Variants in ATRNL1 observed in about 807,000 individuals in gnomAD.
The protein encoded by ATRNL1 is attractin like 1.
Under a neutral mutation model 182.7 loss-of-function variants are expected in ATRNL1, and 95 were observed. That is an observed-to-expected ratio of 0.52 (90% CI 0.44 to 0.62). The LOEUF is 0.62. Ranked by LOEUF, ATRNL1 falls within the 20% of genes least tolerant of loss-of-function variation. The pLI is 0.00. For synonymous variants in ATRNL1, 576 were observed against 568.3 expected (o/e 1.01, Z -0.19); for missense variants, 1,471 against 1,679.5 (o/e 0.88, Z 2.17).
chr10:115,689,765 G>A (rs1004115629), intron 26 of ATRNL1, among the ~76,000 whole-genome samples: 2 of 152,276 alleles, frequency 1.3e-5, no homozygotes, highest in African/African-American at 2.4e-5. Context: ...CACAGAGCTC[G>A]CAGGCTGTCC....
intron 5 of ATRNL1, among the ~76,000 whole-genome samples, chr10:115,144,119 C>G (rs1186515781): frequency 1.3e-5 from 2 of 151,264 alleles, no homozygotes; most frequent in Non-Finnish European, 1.5e-5. Flanking sequence ...AGCTGGATTA[C>G]AGGTGCCCAC....
At chr10:115,801,455 C>T (rs1204077339) in intron 27 of ATRNL1, among the ~76,000 whole-genome samples, 1 of 152,180 alleles carries the variant, frequency 6.6e-6, no homozygotes, top group Non-Finnish European at 1.5e-5. Context: ...TATTTTGCTT[C>T]CAACTGTACT....
intron 19 of ATRNL1, among the ~76,000 whole-genome samples, chr10:115,370,843 C>G (rs188787738): frequency 4.6e-5 from 7 of 152,258 alleles, no homozygotes; most frequent in African/African-American, 1.4e-4. Context: ...GGAAATGTCT[C>G]CAGGGCATGT....
At chr10:115,526,584 A>G (rs1283995510) in intron 25 of ATRNL1, among the ~76,000 whole-genome samples, 2 of 152,198 alleles carry the variant, frequency 1.3e-5, no homozygotes, top group Admixed American at 6.5e-5. Flanking sequence ...GTCTTCTGCC[A>G]GGAACTGTGT....
intron 1 of ATRNL1, among the ~76,000 whole-genome samples, chr10:115,095,031 G>T (rs1243345657): frequency 2.6e-5 from 4 of 152,146 alleles, no homozygotes; most frequent in African/African-American, 4.8e-5. Flanking sequence ...CTTCGTACTG[G>T]TTGGTGTTTA....
chr10:115,196,148 CA>C (rs1391222166), intron 8 of ATRNL1, among the ~76,000 whole-genome samples: 3 of 151,594 alleles, frequency 2.0e-5, no homozygotes, highest in African/African-American at 7.3e-5. Context: ...CATTTAGAGA[CA>C]GGCAAAACCC....
chr10:115,824,605 G>A (rs193091813), intron 27 of ATRNL1, among the ~76,000 whole-genome samples: 109 of 152,172 alleles, frequency 7.2e-4, no homozygotes, highest in East Asian at 3.9e-3. Flanking sequence ...AAAAGTGGGC[G>A]AAGGATATGA....
intron 5 of ATRNL1, among the ~76,000 whole-genome samples, chr10:115,152,857 T>G (rs1478791782): frequency 1.3e-5 from 2 of 152,136 alleles, no homozygotes; most frequent in African/African-American, 4.8e-5. Context: ...GGGTTTGTCA[T>G]AAATACCTCT....
Position 115,237,020 on chromosome 10 carries a change from G to T in ATRNL1, c.1533-4551G>T, listed in dbSNP as rs150087508. 7.3e-3 allele frequency among the ~76,000 whole-genome samples: 1,116 copies of T among 151,986 alleles called. 9 individuals carry two copies. The highest frequency in any genetic ancestry group is 0.011 in the Admixed American group (165 of 15,244). On this transcript the variant is annotated intron_variant, in intron 9 of 28. Coordinates refer to ENST00000355044, the MANE Select transcript of ATRNL1 (RefSeq NM_207303.4). The stretch of plus-strand genomic sequence containing the variant: ...TGTAGTATGTAGCCTTTTAATTTTG[G>T]CTTCTTTCACTTAGCAATAAGCATT...
At chr10:115,149,961 G>T (rs772529955) in intron 5 of ATRNL1, among the ~76,000 whole-genome samples, 1 of 150,258 alleles carries the variant, frequency 6.7e-6, no homozygotes, top group African/African-American at 2.5e-5. Context: ...CCGTGAAGCC[G>T]TCCTGTCCTG....
chr10:115,783,026 T>A (rs1949304532), intron 27 of ATRNL1, among the ~76,000 whole-genome samples: 1 of 152,192 alleles, frequency 6.6e-6, no homozygotes, highest in South Asian at 2.1e-4. Context: ...TTTAAGGATA[T>A]TAAAAGTGCT....
intron 25 of ATRNL1, among the ~76,000 whole-genome samples, chr10:115,533,266 G>A (rs1256576161): frequency 6.6e-6 from 1 of 151,782 alleles, no homozygotes; most frequent in Non-Finnish European, 1.5e-5. Context: ...ATTGATTATT[G>A]CCACAGTTTC....
chr10:115,524,014 C>T (rs1554985942), intron 25 of ATRNL1, among the ~76,000 whole-genome samples: 1 of 152,114 alleles, frequency 6.6e-6, no homozygotes, highest in Non-Finnish European at 1.5e-5. Flanking sequence ...GTGAGGGCCT[C>T]AAGCTGTTTC....
intron 5 of ATRNL1, among the ~76,000 whole-genome samples, chr10:115,150,006 T>G (rs1554880197): frequency 6.6e-6 from 1 of 152,004 alleles, no homozygotes; most frequent in African/African-American, 2.4e-5. Context: ...TTATTACTAC[T>G]TTGATCTTTT....
chr10:115,375,992 C>A (rs1288470863), intron 19 of ATRNL1, among the ~76,000 whole-genome samples: 1 of 151,898 alleles, frequency 6.6e-6, no homozygotes, highest in East Asian at 1.9e-4. Flanking sequence ...TGAAGAATTT[C>A]CTTTAGTATT....
chr10:115,125,450 C>A (rs1463013662), intron 3 of ATRNL1, among the ~76,000 whole-genome samples: 1 of 151,058 alleles, frequency 6.6e-6, no homozygotes, highest in Non-Finnish European at 1.5e-5. Context: ...ATTCTGTAGG[C>A]AAGAGTTTTT....
intron 15 of ATRNL1, among the ~76,000 whole-genome samples, chr10:115,292,789 A>G (rs1554921296): frequency 6.6e-6 from 1 of 152,130 alleles, no homozygotes; most frequent in Non-Finnish European, 1.5e-5. Flanking sequence ...ATATATGGTC[A>G]TTCCTGGAGA....
chr10:115,896,463 G>T (rs191469822), intron 28 of ATRNL1, among the ~76,000 whole-genome samples: 58 of 152,186 alleles, frequency 3.8e-4, no homozygotes, highest in African/African-American at 1.4e-3. Context: ...CGCAGTAAAA[G>T]GATGCCTTGA....
intron 26 of ATRNL1, among the ~76,000 whole-genome samples, chr10:115,553,978 A>G (rs1395260472): frequency 2.6e-5 from 4 of 151,528 alleles, no homozygotes; most frequent in African/African-American, 7.2e-5. Context: ...GCACAGAATA[A>G]AAACATTAAG....
Sources: allele counts gnomAD v4.1 joint callset (sites outside exome capture counted in the v4.1 genomes callset), GRCh38; gene constraint gnomAD v4.1.1; transcripts MANE v1.5; gene names NCBI Gene and HGNC (gene_info 2026-07-23, HGNC 2026-07-21).